RPL26L1: variants seen among roughly 807,000 people sequenced by gnomAD.
RPL26L1 encodes ribosomal protein uL24-like.
RPL26L1 carries 8 observed loss-of-function variants against 15.2 expected under a neutral mutation model. The ratio of observed to expected loss-of-function variants is 0.53; its 90% CI spans 0.31 to 0.95. The LOEUF is 0.95. Among genes scored for constraint, RPL26L1 ranks in the 40% least tolerant of loss-of-function variants. The pLI is 0.05. For synonymous variants in RPL26L1, 51 were observed against 65.9 expected (o/e 0.77, Z 1.09); for missense variants, 146 against 190.9 (o/e 0.76, Z 1.39).
upstream of RPL26L1, among the ~76,000 whole-genome samples, chr5:172,956,472 G>A (rs1439535082): frequency 1.3e-5 from 2 of 152,132 alleles, no homozygotes; most frequent in Non-Finnish European, 2.9e-5. Context: ...AATTCATACT[G>A]TTATTTAACG....
chr5:172,954,805 A>T, upstream of RPL26L1: 1 of 390,186 alleles, frequency 2.6e-6, no homozygotes, highest in Admixed American at 3.2e-5. Flanking sequence ...TGCCATTTTT[A>T]TTATTTCTCC....
chr5:172,958,460 A>G, upstream of RPL26L1: 1 of 456,060 alleles, frequency 2.2e-6, no homozygotes. Context: ...TTCAACATAT[A>G]TGGAATGAAT....
In RPL26L1 at chr5:172,968,668, T is replaced by G. The variant is rs1581614858; in HGVS notation, c.309+69T>G. The G allele has an allele frequency of 5.0e-6, 8 of 1,594,050 alleles. No individual in the cohort carries two copies. The East Asian group carries it at 1.8e-4, about 36-fold the overall frequency. On this transcript the variant is annotated intron_variant, in intron 3 of 3. Transcript: ENST00000265100. Reference sequence around the variant, plus strand: ...CAATACTGTTCAAAGTTATTGGTGTTTTGGTACTCCCTGCACAGTTGGCTG... The same window carrying G: ...CAATACTGTTCAAAGTTATTGGTGTGTTGGTACTCCCTGCACAGTTGGCTG...
upstream of RPL26L1, chr5:172,956,943 A>G (rs1438676994): frequency 3.7e-6 from 1 of 268,698 alleles, no homozygotes; most frequent in Non-Finnish European, 7.4e-6. Flanking sequence ...ATCTCGAAAA[A>G]AAAAAAAAAT....
chr5:172,955,448 T>C (rs80148566), upstream of RPL26L1: 5,208 of 156,780 alleles, frequency 0.033, 307 homozygotes, highest in African/African-American at 0.12. Flanking sequence ...TTTTTATTAC[T>C]ATATGTTACA....
upstream of RPL26L1, chr5:172,955,061 G>C (rs569425194): frequency 6.8e-5 from 31 of 455,816 alleles, no homozygotes; most frequent in Non-Finnish European, 1.2e-4. Context: ...TGAAACCTGG[G>C]AAGAGGGGGT....
intron 3 of RPL26L1, among the ~76,000 whole-genome samples, chr5:172,969,148 T>TTC (rs1339369592): frequency 6.6e-6 from 1 of 152,092 alleles, no homozygotes; most frequent in Non-Finnish European, 1.5e-5. Context: ...CTTCCAAGTG[T>TTC]TCTAGGCATC....
intron 2 of RPL26L1, among the ~76,000 whole-genome samples, chr5:172,967,445 A>G (rs1454102793): frequency 6.6e-6 from 1 of 151,586 alleles, no homozygotes; most frequent in Non-Finnish European, 1.5e-5. Context: ...AGCCTGGGGG[A>G]ACAGAGCGAG....
At position 172,959,907 on chromosome 5, in the gene RPL26L1, A is replaced by C. The variant is rs1755155212; in HGVS notation, c.34A>C (p.Ser12Arg). The change falls in exon 2 of 4, where the codon AGT (serine) becomes CGT (arginine). Residue 12 changes from serine to arginine, a missense_variant. By Grantham distance (110) the Ser-to-Arg change is moderately radical (BLOSUM62 -1). Coordinates refer to ENST00000265100, the MANE Select transcript of RPL26L1 (RefSeq NM_016093.4). ...KFNPFVTSDR[S>R]KNRKRHFNAP... Reference sequence around the variant, plus strand: ...CAATCCCTTCGTTACCTCGGACCGCAGTAAAAACCGCAAACGTCACTTCAA... The same window carrying C: ...CAATCCCTTCGTTACCTCGGACCGCCGTAAAAACCGCAAACGTCACTTCAA... The C allele has an allele frequency of 6.2e-7, 1 of 1,614,180 alleles. No individual in the cohort carries two copies. Among genetic ancestry groups the C allele is most frequent in the African/African-American group, 1.3e-5 (1 of 75,034 alleles).
Position 172,969,642 on chromosome 5 carries a change from T to G in RPL26L1, c.*101T>G, listed in dbSNP as rs1356010741. The G allele has an allele frequency of 8.2e-7, 1 of 1,214,416 alleles. No homozygotes were observed. 75.2% of individuals were successfully genotyped at this position (1,214,416 alleles called of 1,614,324 possible). A position where few individuals can be genotyped will look rare whatever the true frequency, so the allele number is the denominator to read the frequency against. On this transcript the variant is annotated 3_prime_UTR_variant, in exon 4 of 4. Transcript: ENST00000265100. ...TGTCTGGAACATTTCATTTCCTGTT[T>G]TGTTACCTGTGCCTCTGTAAATCTA...
At chr5:172,957,104 C>T, upstream of RPL26L1, 1 of 445,086 alleles carries the variant, frequency 2.2e-6, no homozygotes, top group Admixed American at 2.4e-5. Context: ...GGTGCCAGGG[C>T]TCAAGCACTT....
intron 2 of RPL26L1, among the ~76,000 whole-genome samples, chr5:172,965,437 CATCTT>C (rs1561757646): frequency 6.6e-6 from 1 of 152,180 alleles, no homozygotes; most frequent in African/African-American, 2.4e-5. Flanking sequence ...ATCCCCTTCT[CATCTT>C]CAGAGCCAAG....
intron 3 of RPL26L1, among the ~76,000 whole-genome samples, chr5:172,968,966 C>A (rs560903547): frequency 1.4e-4 from 22 of 151,904 alleles, no homozygotes; most frequent in African/African-American, 3.6e-4. Flanking sequence ...CACCACCACG[C>A]CCAGCTAATT....
At chr5:172,968,661 T>G in intron 3 of RPL26L1, 62 bp downstream of exon 3, 1 of 1,605,024 alleles carries the variant, frequency 6.2e-7, no homozygotes, top group Non-Finnish European at 8.5e-7. Flanking sequence ...TTCAAAGTTA[T>G]TGGTGTTTTG....
intron 2 of RPL26L1, among the ~76,000 whole-genome samples, chr5:172,967,571 T>C (rs1393861650): frequency 3.3e-5 from 5 of 152,186 alleles, no homozygotes; most frequent in Non-Finnish European, 7.4e-5. Flanking sequence ...TCTGTGAGAT[T>C]TAAAATTTTT....
At chr5:172,961,635 A>C (rs182098254) in intron 2 of RPL26L1, among the ~76,000 whole-genome samples, 111 of 152,324 alleles carry the variant, frequency 7.3e-4, no homozygotes, top group African/African-American at 2.6e-3. Context: ...TATAGAACCT[A>C]CTTTGACGTA....
At chr5:172,967,802 ATATGACATATAAGTACATATATGTATG>A in intron 2 of RPL26L1, among the ~76,000 whole-genome samples, 1 of 151,492 alleles carries the variant, frequency 6.6e-6, no homozygotes, top group East Asian at 1.9e-4. Flanking sequence ...ATATATGTAT[ATATGACATATAAGTACATATATGTATG>A]TATGACATAT....
Position 172,959,844 on chromosome 5 carries a change from GTC to G in RPL26L1, c.-9-14_-9-13del. The G allele has an allele frequency of 6.2e-7, 1 of 1,613,256 alleles. No homozygotes were observed. On this transcript the variant is annotated intron_variant, in intron 1 of 3. Transcript: ENST00000265100. ...AACCCACTGAGCGCCCCTTCATTCCGTCTCTCTCCGCCCTTTGTAGAGGGTCA... is the reference window on the plus strand; with the variant it reads ...AACCCACTGAGCGCCCCTTCATTCCGTCTCTCCGCCCTTTGTAGAGGGTCA...
At chr5:172,956,850 A>G (rs935698671), upstream of RPL26L1, among the ~76,000 whole-genome samples, 3 of 152,094 alleles carry the variant, frequency 2.0e-5, no homozygotes, top group Admixed American at 6.5e-5. Context: ...AGGCAGGAGA[A>G]TCACTTGAAC....
Sources: allele counts gnomAD v4.1 joint callset (sites outside exome capture counted in the v4.1 genomes callset), GRCh38; gene constraint gnomAD v4.1.1; transcripts MANE v1.5; gene names NCBI Gene and HGNC (gene_info 2026-07-23, HGNC 2026-07-21).